ZBTB7C: variants seen among roughly 807,000 people sequenced by gnomAD.
The protein encoded by ZBTB7C is zinc finger and BTB domain containing 7C, also known as zinc finger and BTB domain-containing protein 7C.
A neutral mutation model predicts 25.7 loss-of-function variants in ZBTB7C; 8 were observed. The observed-to-expected ratio is 0.31, with a 90% CI of 0.18 to 0.56. ZBTB7C has a LOEUF of 0.56. ZBTB7C is among the 20% of genes least tolerant of loss of function. The pLI is 0.91. For missense variants in ZBTB7C, 824 were observed against 855.2 expected, an observed-to-expected ratio of 0.96 and a Z score of 0.46; for synonymous variants, 394 against 369.0, an observed-to-expected ratio of 1.07 and a Z score of -0.78.
At chr18:48,315,216 G>A (rs188814739) in intron 2 of ZBTB7C, among the ~76,000 whole-genome samples, 1 of 152,306 alleles carries the variant, frequency 6.6e-6, no homozygotes, top group Admixed American at 6.5e-5. Flanking sequence ...CCAGTTGAGA[G>A]GAACTCAGCA....
intron 2 of ZBTB7C, among the ~76,000 whole-genome samples, chr18:48,300,882 G>A (rs2045527240): frequency 6.6e-6 from 1 of 152,264 alleles, no homozygotes; most frequent in South Asian, 2.1e-4. Flanking sequence ...CAAAGCAAAG[G>A]CCTTCCTGGG....
At chr18:48,326,089 C>T (rs1320691892) in intron 2 of ZBTB7C, among the ~76,000 whole-genome samples, 1 of 143,156 alleles carries the variant, frequency 7.0e-6, no homozygotes, top group Non-Finnish European at 1.5e-5. Flanking sequence ...CATACTCTAC[C>T]AACATCTTTT....
chr18:48,266,700 T>C (rs1013470005), intron 2 of ZBTB7C, among the ~76,000 whole-genome samples: 3 of 152,238 alleles, frequency 2.0e-5, no homozygotes, highest in Non-Finnish European at 2.9e-5. Flanking sequence ...CACTTCATTA[T>C]GTCTCCTAGT....
chr18:48,050,141 G>T (rs1197088425), intron 3 of ZBTB7C, among the ~76,000 whole-genome samples: 2 of 152,202 alleles, frequency 1.3e-5, no homozygotes, highest in Admixed American at 6.5e-5. Context: ...CTCGTGGTCT[G>T]TAGGCACTGA....
rs1158295981 is a variant in ZBTB7C at position 48,055,442 on chromosome 18, T to A, written c.-16-14319A>T. 3.0e-4 allele frequency among the ~76,000 whole-genome samples: 43 copies of A among 141,202 alleles called. 1 individual carries two copies. The highest frequency in any genetic ancestry group is 3.9e-3 in the Middle Eastern group (1 of 256). 92.6% of individuals were successfully genotyped at this position (141,202 alleles called of 152,430 possible). A position where few individuals can be genotyped will look rare whatever the true frequency, so the allele number is the denominator to read the frequency against. On this transcript the variant is annotated intron_variant, in intron 3 of 4. Coordinates refer to ENST00000590800, the MANE Select transcript of ZBTB7C (RefSeq NM_001318841.2). ...AAAAAAAAAAAAAAAAAGAACCAAG[T>A]ACGGGCTGGGTGCTACAATCAGGAA...
chr18:48,274,660 G>C (rs2044592450), intron 2 of ZBTB7C, among the ~76,000 whole-genome samples: 1 of 152,198 alleles, frequency 6.6e-6, no homozygotes, highest in Non-Finnish European at 1.5e-5. Context: ...CATCCACTCT[G>C]TTCTGTTGGA....
At chr18:48,170,839 C>G (rs544005601) in intron 3 of ZBTB7C, among the ~76,000 whole-genome samples, 1 of 152,254 alleles carries the variant, frequency 6.6e-6, no homozygotes, top group East Asian at 1.9e-4. Context: ...GAGAACCCCC[C>G]GCCCCTGTAC....
chr18:48,305,529 C>T (rs914111244), intron 2 of ZBTB7C, among the ~76,000 whole-genome samples: 1 of 152,148 alleles, frequency 6.6e-6, no homozygotes, highest in East Asian at 1.9e-4. Context: ...GCGTGAGACA[C>T]GTCAGACATA....
intron 1 of ZBTB7C, among the ~76,000 whole-genome samples, chr18:48,376,299 C>T (rs2047516998): frequency 6.6e-6 from 1 of 152,154 alleles, no homozygotes; most frequent in Middle Eastern, 3.2e-3. Context: ...TACAAAAGAG[C>T]CCTAGAGTCT....
At chr18:48,334,777 A>G (rs1274264742) in intron 2 of ZBTB7C, among the ~76,000 whole-genome samples, 1 of 152,178 alleles carries the variant, frequency 6.6e-6, no homozygotes, top group Non-Finnish European at 1.5e-5. Context: ...GGGACATGGT[A>G]AGGTAGGAAC....
chr18:48,179,685 T>A lies in ZBTB7C; in HGVS notation c.-17+6249A>T, dbSNP rs1373668798. Among the ~76,000 whole-genome samples, 3 of 151,350 alleles carry A rather than the reference T, an allele frequency of 2.0e-5. No homozygotes were observed. The East Asian group carries it at 5.8e-4, about 29-fold the overall frequency. ...AAGATATTTCTCTCTCCTTCCTTCC[T>A]TCCTTCCTTCCTTCCTTCCCTGCGA... On this transcript the variant is annotated intron_variant, in intron 3 of 4. Coordinates refer to ENST00000590800, the MANE Select transcript of ZBTB7C (RefSeq NM_001318841.2).
At chr18:48,289,623 T>C (rs1019982572) in intron 2 of ZBTB7C, among the ~76,000 whole-genome samples, 2 of 150,432 alleles carry the variant, frequency 1.3e-5, no homozygotes, top group East Asian at 3.9e-4. Flanking sequence ...ATTATGTATT[T>C]ATTATTATGT....
At position 48,406,983 on chromosome 18, in the gene ZBTB7C, C is replaced by T. The variant is rs140702272; in HGVS notation, c.-304+2243G>A. Among the ~76,000 whole-genome samples the T allele has an allele frequency of 8.4e-3, 1,280 of 152,258 alleles. 18 individuals carry two copies. Among genetic ancestry groups the T allele is most frequent in the African/African-American group, 0.026 (1,086 of 41,536 alleles). ...GTGGCTAAAATCAAAGTGGCCAACTCGTAGTTCTTTTTTAATTTAGACACT... is the reference window on the plus strand; with the variant it reads ...GTGGCTAAAATCAAAGTGGCCAACTTGTAGTTCTTTTTTAATTTAGACACT... On this transcript the variant is annotated intron_variant, in intron 1 of 4. Coordinates refer to ENST00000590800, the MANE Select transcript of ZBTB7C (RefSeq NM_001318841.2).
At chr18:48,035,233 G>A (rs2035921092) in intron 4 of ZBTB7C, among the ~76,000 whole-genome samples, 1 of 152,236 alleles carries the variant, frequency 6.6e-6, no homozygotes, top group African/African-American at 2.4e-5. Context: ...GAACTGGAAA[G>A]CGTGCCTTGT....
At chr18:48,262,440 C>T (rs1258762779) in intron 2 of ZBTB7C, among the ~76,000 whole-genome samples, 1 of 152,216 alleles carries the variant, frequency 6.6e-6, no homozygotes, top group Non-Finnish European at 1.5e-5. Context: ...CCTCAGAGAG[C>T]TTGCTGTCTC....
At chr18:48,262,109 T>TC (rs2044188197) in intron 2 of ZBTB7C, among the ~76,000 whole-genome samples, 2 of 152,192 alleles carry the variant, frequency 1.3e-5, no homozygotes, top group Admixed American at 1.3e-4. Flanking sequence ...TGGAAAAGAA[T>TC]CTGAAATATC....
intron 2 of ZBTB7C, among the ~76,000 whole-genome samples, chr18:48,286,719 C>G (rs1359762424): frequency 6.6e-6 from 1 of 152,102 alleles, no homozygotes; most frequent in Non-Finnish European, 1.5e-5. Context: ...TTAACACCAG[C>G]CTTGCACCTC....
At chr18:48,367,339 TATGTGTGC>T (rs1247281432) in intron 1 of ZBTB7C, among the ~76,000 whole-genome samples, 5 of 70,860 alleles carry the variant, frequency 7.1e-5, no homozygotes, top group African/African-American at 1.5e-4. Flanking sequence ...TATATACATA[TATGTGTGC>T]ATATATATAT....
At chr18:48,181,175 A>T (rs754960622) in intron 3 of ZBTB7C, among the ~76,000 whole-genome samples, 4 of 152,168 alleles carry the variant, frequency 2.6e-5, no homozygotes, top group Non-Finnish European at 5.9e-5. Context: ...TAGAAGAGGG[A>T]ACTGAGGCCA....
Sources: gnomAD v4.1 joint callset for allele counts (sites outside exome capture counted in the v4.1 genomes callset) on GRCh38, gnomAD v4.1.1 for gene constraint, MANE v1.5 for transcripts, NCBI Gene and HGNC (gene_info 2026-07-23, HGNC 2026-07-21) for gene names.